HAUS4: variants seen among roughly 807,000 people sequenced by gnomAD.
HAUS4 encodes the protein HAUS augmin-like complex subunit 4.
Under a neutral mutation model 50.6 loss-of-function variants are expected in HAUS4, and 34 were observed. That is an observed-to-expected ratio of 0.67 (90% confidence interval 0.51 to 0.90). HAUS4 has a LOEUF of 0.90. Ranked by LOEUF, HAUS4 falls within the 40% of genes least tolerant of loss-of-function variation. HAUS4 has a pLI of 0.00. For missense variants in HAUS4, 370 were observed against 428.7 expected, an observed-to-expected ratio of 0.86 and a Z score of 1.21; for synonymous variants, 149 against 161.4, an observed-to-expected ratio of 0.92 and a Z score of 0.58.
chr14:22,951,904 C>T (rs2044760092), intron 4 of HAUS4, among the ~76,000 whole-genome samples: 1 of 152,212 alleles, frequency 6.6e-6, no homozygotes, highest in Non-Finnish European at 1.5e-5. Context: ...CAGTCCATTT[C>T]TCTTTTGACA....
chr14:22,951,828 C>T (rs2044758607), intron 4 of HAUS4, 139 bp from the exon 5 acceptor site: 1 of 697,440 alleles, frequency 1.4e-6, no homozygotes, highest in Non-Finnish European at 2.3e-6. Flanking sequence ...AACTCAGCTG[C>T]GAGTGACTTC....
chr14:22,952,316 C>G lies in HAUS4; in HGVS notation c.330+12G>C. ...TACAGGTGTTAGCCACCACGCCCAG[C>G]CTTTGCCTCACCTTTTTGTCCTCAG... On this transcript the variant is annotated intron_variant, in intron 4 of 9. Transcript: ENST00000541587. 2 of 1,612,342 alleles carry G rather than the reference C, an allele frequency of 1.2e-6. No homozygotes were observed. Among genetic ancestry groups the G allele is most frequent in the Non-Finnish European group, 1.7e-6 (2 of 1,178,868 alleles).
In HAUS4 at chr14:22,955,371, A is replaced by G. The variant is rs1292834085; in HGVS notation, c.-22-195T>C. On this transcript the variant is annotated intron_variant, in intron 1 of 9. Transcript: ENST00000541587. ...AGCTTTATGGACAAACAGATTTACA[A>G]GTGCCAAAACATGTCACATTCTAAG... is the stretch of plus-strand genomic sequence containing the variant. The G allele has an allele frequency of 5.1e-6, 3 of 587,282 alleles. No individual in the cohort carries two copies. In the African/African-American group the frequency reaches 5.6e-5, roughly 11 times the overall value. 36.4% of individuals were successfully genotyped at this position (587,282 alleles called of 1,614,324 possible). A position where few individuals can be genotyped will look rare whatever the true frequency, so the allele number is the denominator to read the frequency against.
chr14:22,951,785 CAA>C, intron 4 of HAUS4, 96 bp from the exon 5 acceptor site: 3 of 1,129,398 alleles, frequency 2.7e-6, no homozygotes, highest in Admixed American at 5.1e-5. Context: ...CACATATTTT[CAA>C]AGTCCTCAAA....
Position 22,955,173 on chromosome 14 carries a change from T to C in HAUS4, c.-19A>G. On this transcript the variant is annotated 5_prime_UTR_variant, in exon 2 of 10. Coordinates refer to ENST00000541587, the MANE Select transcript of HAUS4 (RefSeq NM_001166269.2). Reference sequence around the variant, plus strand: ...ATGCCATTTGATTTTCTTGGGATTCTAATCTGTGGAACCAAGAAGTGAAAG... The same window carrying C: ...ATGCCATTTGATTTTCTTGGGATTCCAATCTGTGGAACCAAGAAGTGAAAG... 6.3e-7 allele frequency: 1 copy of C among 1,589,632 alleles called. No individual in the cohort carries two copies. Among genetic ancestry groups the C allele is most frequent in the Non-Finnish European group, 8.6e-7 (1 of 1,157,718 alleles).
intron 9 of HAUS4, 124 bp from the exon 10 acceptor site, chr14:22,946,832 G>C: frequency 1.6e-6 from 1 of 642,668 alleles, no homozygotes; most frequent in Non-Finnish European, 2.6e-6. Context: ...CACCTAGGCT[G>C]GAGTGCAGTG....
chr14:22,946,781 C>CTTTT (rs11414358), intron 9 of HAUS4, 73 bp from the exon 10 acceptor site: 128 of 596,804 alleles, frequency 2.1e-4, no homozygotes, highest in South Asian at 4.6e-4. Context: ...AAATGAAAAA[C>CTTTT]TTTTTTTTTT....
intron 1 of HAUS4, among the ~76,000 whole-genome samples, chr14:22,956,368 A>C (rs2044863945): frequency 6.6e-6 from 1 of 152,202 alleles, no homozygotes; most frequent in Admixed American, 6.5e-5. Context: ...CTACTTAGTT[A>C]AGTTCAGTGT....
In HAUS4 at chr14:22,946,428, T is replaced by C; in HGVS notation, c.*97A>G. 1.1e-6 allele frequency: 1 copy of C among 902,280 alleles called. No individual in the cohort carries two copies. 55.9% of individuals were successfully genotyped at this position (902,280 alleles called of 1,614,324 possible). A position where few individuals can be genotyped will look rare whatever the true frequency, so the allele number is the denominator to read the frequency against. ...AAGCGTAAGCATTTCCACACTCCCT[T>C]GTACTGAAGGCAGCCCCAGGTGAAG... On this transcript the variant is annotated 3_prime_UTR_variant, in exon 10 of 10. Coordinates refer to ENST00000541587, the MANE Select transcript of HAUS4 (RefSeq NM_001166269.2).
At chr14:22,950,547 AC>A in intron 5 of HAUS4, 137 bp from the exon 6 acceptor site, 1 of 585,082 alleles carries the variant, frequency 1.7e-6, no homozygotes, top group Non-Finnish European at 3.1e-6. Flanking sequence ...CTCATTTTTC[AC>A]CTATCAAATT....
At chr14:22,950,176 C>A in intron 6 of HAUS4, 138 bp downstream of exon 6, 1 of 422,678 alleles carries the variant, frequency 2.4e-6, no homozygotes, top group Non-Finnish European at 4.2e-6. Flanking sequence ...TTTTATTCTA[C>A]CAGCAACAAA....
intron 5 of HAUS4, 106 bp from the exon 6 acceptor site, chr14:22,950,516 C>A: frequency 1.6e-6 from 1 of 621,792 alleles, no homozygotes; most frequent in South Asian, 1.9e-5. Context: ...AAAGAAAATG[C>A]ATCAAGAGAC....
rs780266393 is a variant in HAUS4 at position 22,947,871 on chromosome 14, G to A, written c.705C>T (p.Ser235=). ...LLLEKKSAAY[S]QVLLRCLTLL... ...GCTGTCCCATGCCCTGATAAACCTG[G>A]GAGTAAGCAGCACTCTTCTTCTCCA... The change falls in exon 7 of 10, where the codon TCC becomes TCT. Residue 235 remains serine, a synonymous_variant. Coordinates refer to ENST00000541587, the MANE Select transcript of HAUS4 (RefSeq NM_001166269.2). 5.6e-6 allele frequency: 9 copies of A among 1,613,148 alleles called. No homozygotes were observed. The highest frequency in any genetic ancestry group is 7.6e-6 in the Non-Finnish European group (9 of 1,179,548).
In HAUS4 at chr14:22,955,181, G is replaced by A. The variant is rs1209405607; in HGVS notation, c.-22-5C>T. On this transcript the variant is annotated splice_polypyrimidine_tract_variant and splice_region_variant and intron_variant, in intron 1 of 9. Coordinates refer to ENST00000541587, the MANE Select transcript of HAUS4 (RefSeq NM_001166269.2). ...TGATTTTCTTGGGATTCTAATCTGT[G>A]GAACCAAGAAGTGAAAGAAAACAAA... The A allele has an allele frequency of 1.3e-6, 2 of 1,565,008 alleles. No individual in the cohort carries two copies. The highest frequency in any genetic ancestry group is 2.2e-5 in the East Asian group (1 of 44,658).
At position 22,947,639 on chromosome 14, in the gene HAUS4, G is replaced by GT; in HGVS notation, c.800dup (p.Tyr267Ter). 6.2e-7 allele frequency: 1 copy of GT among 1,614,140 alleles called. No individual in the cohort carries two copies. The highest frequency in any genetic ancestry group is 8.5e-7 in the Non-Finnish European group (1 of 1,179,986). The part of the protein sequence containing the change: ...QSELDRINAQ[Y>*]LEVKCGAMIL... ...TCATAGCACCGCACTTGACTTCCAG[G>GT]TACTGGGCATTGATGCGGTCTAGCT... The change falls in exon 8 of 10, where the codon TAC becomes TAAC. Residue 267 changes from tyrosine (Y) to a stop codon, truncating the protein, a stop_gained and frameshift_variant. Transcript: ENST00000541587. LOFTEE classifies it high-confidence loss of function.
At chr14:22,949,406 G>A (rs927094481) in intron 6 of HAUS4, among the ~76,000 whole-genome samples, 2 of 151,306 alleles carry the variant, frequency 1.3e-5, no homozygotes, top group African/African-American at 4.9e-5. Flanking sequence ...GCGGGCACCT[G>A]TAGTCCCAGC....
intron 6 of HAUS4, among the ~76,000 whole-genome samples, 175 bp downstream of exon 6, chr14:22,950,139 A>AC (rs2044725969): frequency 1.3e-5 from 2 of 151,694 alleles, no homozygotes. Flanking sequence ...AAAAAAAAAA[A>AC]AAAACAAAAA....
In HAUS4 at chr14:22,947,905, A is replaced by G. The variant is rs769660724; in HGVS notation, c.671T>C (p.Met224Thr). ...QDAKSQQKEQMLLLEKKSAAY... is the reference protein window; with the variant it reads ...QDAKSQQKEQTLLLEKKSAAY... ...AGCACTCTTCTTCTCCAGCAGCAAC[A>G]TCTGCTCCTTCTGCTGGCTCTTGGC... is the stretch of plus-strand genomic sequence containing the variant. The change falls in exon 7 of 10, where the codon ATG (methionine) becomes ACG (threonine). Residue 224 changes from methionine (M) to threonine (T), a missense_variant. Coordinates refer to ENST00000541587, the MANE Select transcript of HAUS4 (RefSeq NM_001166269.2). 8 of 1,613,974 alleles carry G rather than the reference A, an allele frequency of 5.0e-6. No homozygotes were observed. The highest frequency in any genetic ancestry group is 1.6e-4 in the Middle Eastern group (1 of 6,084).
At chr14:22,952,485 G>A (rs781546166) in intron 3 of HAUS4, 26 bp from the exon 4 acceptor site, 5 of 1,613,656 alleles carry the variant, frequency 3.1e-6, no homozygotes. Context: ...ATCTCAGGTA[G>A]GAACCTCTCT....
Sources: allele counts gnomAD v4.1 joint callset (sites outside exome capture counted in the v4.1 genomes callset), GRCh38; gene constraint gnomAD v4.1.1; transcripts MANE v1.5; gene names NCBI Gene and HGNC (gene_info 2026-07-23, HGNC 2026-07-21).